ANKRD33B: variants seen among roughly 807,000 people sequenced by gnomAD.
ANKRD33B encodes ankyrin repeat domain 33B.
Under a neutral mutation model 21.5 loss-of-function variants are expected in ANKRD33B, and 6 were observed. That is an observed-to-expected ratio of 0.28 (90% CI 0.15 to 0.55). The LOEUF is 0.55. ANKRD33B is among the 20% of genes least tolerant of loss of function. The probability of loss-of-function intolerance (pLI) is 0.94; values close to 1 mark genes in which losing one functional copy is unlikely to be tolerated. For missense variants in ANKRD33B, 698 were observed against 747.2 expected, an observed-to-expected ratio of 0.93 and a Z score of 0.77; for synonymous variants, 347 against 342.4, an observed-to-expected ratio of 1.01 and a Z score of -0.15.
intron 2 of ANKRD33B, among the ~76,000 whole-genome samples, chr5:10,626,232 T>G (rs1736541984): frequency 6.6e-6 from 1 of 152,214 alleles, no homozygotes; most frequent in African/African-American, 2.4e-5. Flanking sequence ...GTCAGCTTCC[T>G]AGGCCGAAAG....
chr5:10,564,980 T>C (rs763628807), intron 1 of ANKRD33B, 147 bp downstream of exon 1: 176 of 1,193,984 alleles, frequency 1.5e-4, no homozygotes, highest in Non-Finnish European at 1.9e-4. Context: ...CCCCGCTGTT[T>C]GGGAGCGCGG....
intron 1 of ANKRD33B, among the ~76,000 whole-genome samples, chr5:10,591,202 T>TTTTTTTTC (rs1301509363): frequency 7.0e-6 from 1 of 142,494 alleles, no homozygotes; most frequent in Non-Finnish European, 1.6e-5. Context: ...GTGGTTTTTT[T>TTTTTTTTC]TTTTTTTTGA....
intron 1 of ANKRD33B, among the ~76,000 whole-genome samples, chr5:10,610,451 T>C (rs768020297): frequency 2.9e-4 from 43 of 146,706 alleles, no homozygotes; most frequent in Non-Finnish European, 4.6e-4. Context: ...AATAGTGCCC[T>C]GGTCGAAAAA....
intron 1 of ANKRD33B, among the ~76,000 whole-genome samples, chr5:10,608,727 G>A (rs1274733584): frequency 6.6e-6 from 1 of 151,828 alleles, no homozygotes; most frequent in Non-Finnish European, 1.5e-5. Flanking sequence ...GTTTTTGAAT[G>A]GGAGGCATTG....
chr5:10,564,776 G>T lies in ANKRD33B; in HGVS notation c.309G>T (p.Thr103=), dbSNP rs966633130. 2 of 1,525,702 alleles carry T rather than the reference G, an allele frequency of 1.3e-6. No homozygotes were observed. The highest frequency in any genetic ancestry group is 4.9e-5 in the East Asian group (2 of 40,600). 94.5% of individuals were successfully genotyped at this position (1,525,702 alleles called of 1,614,324 possible). A position where few individuals can be genotyped will look rare whatever the true frequency, so the allele number is the denominator to read the frequency against. ...CCAACAACGTGGGGCTGCTGCGGAC[G>T]CTGGTGCGGCGCGGGGTGAGCGTCG... ...ACANNVGLLR[T]LVRRGVSVEE... The change falls in exon 1 of 4, where the codon ACG becomes ACT. Residue 103 remains threonine (T), a synonymous_variant. Transcript: ENST00000296657.
Position 10,564,844 on chromosome 5 carries a change from G to A in ANKRD33B, c.366+11G>A. On this transcript the variant is annotated intron_variant, in intron 1 of 3. Transcript: ENST00000296657. ...GACCGCAACGGCAGGGTAAGCGGGCGTCCCCGCAGGATTTGAGCCCCCTCA... is the reference window on the plus strand; with the variant it reads ...GACCGCAACGGCAGGGTAAGCGGGCATCCCCGCAGGATTTGAGCCCCCTCA... The A allele has an allele frequency of 6.7e-7, 1 of 1,486,344 alleles. No individual in the cohort carries two copies. Among genetic ancestry groups the A allele is most frequent in the Non-Finnish European group, 8.9e-7 (1 of 1,118,632 alleles). 92.1% of individuals were successfully genotyped at this position (1,486,344 alleles called of 1,614,324 possible).
rs1406035972 is a variant in ANKRD33B at position 10,652,314 on chromosome 5, G to C, written c.*2201G>C. ...CTGGGAGCGCCCTAAAGCTCCGCAG[G>C]TAACTGCACTGCAGCCCGCATTGAG... On this transcript the variant is annotated 3_prime_UTR_variant, in exon 4 of 4. Transcript: ENST00000296657. The surrounding 1 kb of genome is among the most constrained non-coding windows in gnomAD (Gnocchi z 4.1). 3 of 152,414 alleles carry C rather than the reference G, an allele frequency of 2.0e-5. No individual in the cohort carries two copies. Among genetic ancestry groups the C allele is most frequent in the African/African-American group, 7.2e-5 (3 of 41,460 alleles). The allele number at this position is 152,414 out of a possible 1,614,324, so 9.4% of individuals were successfully genotyped here.
rs3733761 is a variant in ANKRD33B, at chr5:10,656,050, C to T, written c.*5937C>T. ...CGAGAGCTTACAACAAAAGCAGTTC[C>T]TCTCAAGACACTGCTTGCATCTTCC... On this transcript the variant is annotated 3_prime_UTR_variant, in exon 4 of 4. Transcript: ENST00000296657. 0.33 allele frequency: 50,757 copies of T among 152,034 alleles called. 8,535 individuals are homozygous for T. The highest frequency in any genetic ancestry group is 0.4 in the African/African-American group (16,767 of 41,424). The allele number at this position is 152,034 out of a possible 1,614,324, so 9.4% of individuals were successfully genotyped here.
rs961298642 is a variant in ANKRD33B at position 10,655,293 on chromosome 5, C to G, written c.*5180C>G. The G allele has an allele frequency of 2.0e-5, 3 of 152,344 alleles. No homozygotes were observed. In the East Asian group the frequency reaches 5.6e-4, roughly 29 times the overall value. 9.4% of individuals were successfully genotyped at this position (152,344 alleles called of 1,614,324 possible). On this transcript the variant is annotated 3_prime_UTR_variant, in exon 4 of 4. Coordinates refer to ENST00000296657, the MANE Select transcript of ANKRD33B (RefSeq NM_001164440.2). ...AGGCCTGAAAAGGATGCAAAGCCTG[C>G]TGTTTTCAGGCTGTTGGGAAGAATC...
chr5:10,580,464 G>C (rs1482519175), intron 1 of ANKRD33B, among the ~76,000 whole-genome samples: 2 of 152,304 alleles, frequency 1.3e-5, no homozygotes, highest in East Asian at 3.9e-4. Context: ...TATGTTGCCT[G>C]CTCGAGTTTG....
In ANKRD33B at chr5:10,649,628, A is replaced by G; in HGVS notation, c.1000A>G (p.Ser334Gly). 6.5e-7 allele frequency: 1 copy of G among 1,531,042 alleles called. No individual in the cohort carries two copies. Among genetic ancestry groups the G allele is most frequent in the South Asian group, 1.2e-5 (1 of 83,786 alleles). 94.8% of individuals were successfully genotyped at this position (1,531,042 alleles called of 1,614,324 possible). A position where few individuals can be genotyped will look rare whatever the true frequency, so the allele number is the denominator to read the frequency against. ...CQTVCPESPPSVGKRRLAVQE... is the reference protein window; with the variant it reads ...CQTVCPESPPGVGKRRLAVQE... Reference sequence around the variant, plus strand: ...GACCGTGTGCCCTGAGAGCCCTCCGAGCGTGGGGAAGAGGCGGCTGGCGGT... The same window carrying G: ...GACCGTGTGCCCTGAGAGCCCTCCGGGCGTGGGGAAGAGGCGGCTGGCGGT... Residue 334 changes from serine to glycine, a missense_variant, in exon 4 of 4, where the codon AGC (serine) becomes GGC (glycine). By Grantham distance (56) the Ser-to-Gly change is moderately conservative. Coordinates refer to ENST00000296657, the MANE Select transcript of ANKRD33B (RefSeq NM_001164440.2).
At chr5:10,612,724 G>T (rs963467811) in intron 1 of ANKRD33B, among the ~76,000 whole-genome samples, 3 of 152,144 alleles carry the variant, frequency 2.0e-5, no homozygotes, top group Non-Finnish European at 2.9e-5. Context: ...CCCGTCCCCA[G>T]CGCAAGATTC....
At chr5:10,580,700 G>A (rs1735427125) in intron 1 of ANKRD33B, among the ~76,000 whole-genome samples, 1 of 152,036 alleles carries the variant, frequency 6.6e-6, no homozygotes, top group African/African-American at 2.4e-5. Context: ...TGGGGTGTCG[G>A]GGGTGAGGCT....
chr5:10,644,581 A>G (rs1351187694), intron 3 of ANKRD33B, among the ~76,000 whole-genome samples: 1 of 152,248 alleles, frequency 6.6e-6, no homozygotes, highest in Non-Finnish European at 1.5e-5. Context: ...AAGGACGGCG[A>G]GGAACAGAGA....
intron 1 of ANKRD33B, among the ~76,000 whole-genome samples, chr5:10,586,092 T>C (rs1735552721): frequency 6.6e-6 from 1 of 152,214 alleles, no homozygotes. Flanking sequence ...CTCTGCTCCA[T>C]GCTAATTGCA....
rs1394634846 is a variant in ANKRD33B at position 10,650,604 on chromosome 5, C to G, written c.*491C>G. The G allele has an allele frequency of 1.3e-5, 2 of 152,488 alleles. No homozygotes were observed. The highest frequency in any genetic ancestry group is 3.8e-4 in the East Asian group (2 of 5,320). 9.4% of individuals were successfully genotyped at this position (152,488 alleles called of 1,614,324 possible). On this transcript the variant is annotated 3_prime_UTR_variant, in exon 4 of 4. Coordinates refer to ENST00000296657, the MANE Select transcript of ANKRD33B (RefSeq NM_001164440.2). ...TCACACAGACATCATGGGATTCTCC[C>G]CTTTTTGGCTGTTTGGTCTTTTCTC...
At chr5:10,643,006 G>C (rs1737100420) in intron 3 of ANKRD33B, among the ~76,000 whole-genome samples, 1 of 152,154 alleles carries the variant, frequency 6.6e-6, no homozygotes. Context: ...CTGGGTTCAA[G>C]CAATTCTCTT....
Position 10,635,417 on chromosome 5 carries a change from C to T in ANKRD33B, c.497-2611C>T, listed in dbSNP as rs375198875. 1.1e-4 allele frequency among the ~76,000 whole-genome samples: 16 copies of T among 152,254 alleles called. No individual in the cohort carries two copies. In the East Asian group the frequency reaches 1.9e-3, roughly 18 times the overall value. ...CTGACAGCTGGCCTTAGCCCCTCCCCGCACATAGTAAAGGACGAGGGAGAG... is the reference window on the plus strand; with the variant it reads ...CTGACAGCTGGCCTTAGCCCCTCCCTGCACATAGTAAAGGACGAGGGAGAG... On this transcript the variant is annotated intron_variant, in intron 2 of 3. Transcript: ENST00000296657.
At chr5:10,618,599 G>C in intron 2 of ANKRD33B, 137 bp downstream of exon 2, 1 of 1,292,430 alleles carries the variant, frequency 7.7e-7, no homozygotes, top group Non-Finnish European at 1.0e-6. Context: ...TGCCAGGGAA[G>C]GGCTGATTGC....
Sources: allele counts gnomAD v4.1 joint callset (sites outside exome capture counted in the v4.1 genomes callset), GRCh38; gene constraint gnomAD v4.1.1; non-coding constraint Gnocchi (gnomAD v3.1); transcripts MANE v1.5; gene names NCBI Gene and HGNC (gene_info 2026-07-23, HGNC 2026-07-21).